SH3BGRL2: variants seen among roughly 807,000 people sequenced by gnomAD.
SH3BGRL2 encodes SH3 domain-binding glutamic acid-rich-like protein 2.
A neutral mutation model predicts 14.8 loss-of-function variants in SH3BGRL2; 21 were observed. That is an observed-to-expected ratio of 1.42 (90% CI 1.01 to 2.05). The LOEUF is 2.05. Among genes scored for constraint, SH3BGRL2 ranks in the 30% most tolerant of loss-of-function variants. The pLI, the probability that SH3BGRL2 is intolerant of heterozygous loss-of-function variation, is 0.00. For missense variants in SH3BGRL2, 147 were observed against 130.8 expected, an observed-to-expected ratio of 1.12 and a Z score of -0.61; for synonymous variants, 50 against 47.8, an observed-to-expected ratio of 1.05 and a Z score of -0.19.
chr6:79,661,883 TA>T (rs1195553291), intron 1 of SH3BGRL2, among the ~76,000 whole-genome samples: 3 of 152,232 alleles, frequency 2.0e-5, no homozygotes, highest in African/African-American at 7.2e-5. Context: ...TGCCATTATA[TA>T]ATGGCCTTCT....
At chr6:79,617,199 G>GA in the SH3BGRL2 span, among the ~76,000 whole-genome samples, 226 of 149,192 alleles carry the variant, frequency 1.5e-3, no homozygotes, top group African/African-American at 5.3e-3. Context: ...ACAAAAAAAA[G>GA]AAAAAAAAAA....
chr6:79,560,866 T>C, the SH3BGRL2 span, among the ~76,000 whole-genome samples: 2 of 101,534 alleles, frequency 2.0e-5, no homozygotes, highest in Non-Finnish European at 3.9e-5. Context: ...AACAATACAC[T>C]CTTTTTTTTT....
the SH3BGRL2 span, among the ~76,000 whole-genome samples, chr6:79,596,379 T>C: frequency 4.0e-5 from 6 of 150,750 alleles, no homozygotes; most frequent in East Asian, 3.9e-4. Flanking sequence ...AGACTGGTCT[T>C]GAACTCCTGG....
Position 79,631,446 on chromosome 6 carries a change from C to G in SH3BGRL2, c.-16C>G. On this transcript the variant is annotated 5_prime_UTR_variant, in exon 1 of 4. Coordinates refer to ENST00000369838, the MANE Select transcript of SH3BGRL2 (RefSeq NM_031469.4). ...AGCCCGGGGGGCAAGGGGTCTGTCC[C>G]GGGCGCAGCGAGAGGATGGTCATCC... 1 of 1,517,662 alleles carries G rather than the reference C, an allele frequency of 6.6e-7. No individual in the cohort carries two copies. The highest frequency in any genetic ancestry group is 1.3e-5 in the South Asian group (1 of 78,632). The allele number at this position is 1,517,662 out of a possible 1,614,324, so 94.0% of individuals were successfully genotyped here.
At chr6:79,586,042 C>T in the SH3BGRL2 span, among the ~76,000 whole-genome samples, 1 of 151,776 alleles carries the variant, frequency 6.6e-6, no homozygotes, top group African/African-American at 2.4e-5. Flanking sequence ...CTAAAATATA[C>T]AAAATTAGCC....
At chr6:79,594,006 C>A in the SH3BGRL2 span, among the ~76,000 whole-genome samples, 27 of 134,774 alleles carry the variant, frequency 2.0e-4, no homozygotes, top group African/African-American at 6.8e-4. Flanking sequence ...GCCTGGATGA[C>A]AAGAGCCAGA....
At chr6:79,698,224 A>G (rs1426269695) in intron 3 of SH3BGRL2, among the ~76,000 whole-genome samples, 1 of 152,190 alleles carries the variant, frequency 6.6e-6, no homozygotes, top group African/African-American at 2.4e-5. Context: ...GCCACTCTCC[A>G]TGAACCATTT....
the SH3BGRL2 span, among the ~76,000 whole-genome samples, chr6:79,626,042 C>T: frequency 4.5e-4 from 69 of 152,230 alleles, no homozygotes; most frequent in African/African-American, 1.5e-3. Flanking sequence ...AAGTTAAATC[C>T]TTGGGGAGTC....
the SH3BGRL2 span, among the ~76,000 whole-genome samples, chr6:79,548,532 C>T: frequency 2.0e-5 from 3 of 152,064 alleles, no homozygotes; most frequent in Non-Finnish European, 2.9e-5. Context: ...TTCTAGTGTT[C>T]GCCAATTTGT....
At chr6:79,583,888 A>G in the SH3BGRL2 span, among the ~76,000 whole-genome samples, 1 of 152,222 alleles carries the variant, frequency 6.6e-6, no homozygotes, top group Non-Finnish European at 1.5e-5. Flanking sequence ...TGCAAGTGAC[A>G]TTCTGCAAAT....
At chr6:79,646,605 T>TTG (rs1293201768) in intron 1 of SH3BGRL2, among the ~76,000 whole-genome samples, 2 of 152,210 alleles carry the variant, frequency 1.3e-5, no homozygotes, top group African/African-American at 2.4e-5. Flanking sequence ...CAATGTGTTT[T>TTG]TGTGTGTGTG....
chr6:79,582,861 G>A, the SH3BGRL2 span, among the ~76,000 whole-genome samples: 1 of 152,046 alleles, frequency 6.6e-6, no homozygotes, highest in Non-Finnish European at 1.5e-5. Flanking sequence ...CTACAGAATG[G>A]GAGAAAATTT....
chr6:79,688,925 G>C (rs554244645), intron 2 of SH3BGRL2, among the ~76,000 whole-genome samples: 2 of 151,408 alleles, frequency 1.3e-5, no homozygotes, highest in Middle Eastern at 6.8e-3. Flanking sequence ...GATTCATCAG[G>C]CCACTCAAAA....
the SH3BGRL2 span, among the ~76,000 whole-genome samples, chr6:79,608,334 G>T: frequency 6.6e-6 from 1 of 152,064 alleles, no homozygotes; most frequent in Non-Finnish European, 1.5e-5. Context: ...CTTCCTAGAG[G>T]GACAGTCCCC....
the SH3BGRL2 span, among the ~76,000 whole-genome samples, chr6:79,564,008 T>G: frequency 6.6e-6 from 1 of 152,124 alleles, no homozygotes; most frequent in African/African-American, 2.4e-5. Context: ...ATAAAAAAAC[T>G]GTTAGCAAAG....
At chr6:79,606,771 T>A in the SH3BGRL2 span, among the ~76,000 whole-genome samples, 1 of 152,228 alleles carries the variant, frequency 6.6e-6, no homozygotes, top group Admixed American at 6.5e-5. Flanking sequence ...GTCCTGCTAA[T>A]AATATACATT....
intron 1 of SH3BGRL2, among the ~76,000 whole-genome samples, chr6:79,660,551 T>C (rs762088142): frequency 6.6e-6 from 1 of 152,202 alleles, no homozygotes; most frequent in Non-Finnish European, 1.5e-5. Context: ...CAGTATTTTA[T>C]TGAGGATTTT....
chr6:79,555,277 C>A, the SH3BGRL2 span, among the ~76,000 whole-genome samples: 1 of 152,022 alleles, frequency 6.6e-6, no homozygotes, highest in Admixed American at 6.6e-5. Context: ...TAGCAAAACT[C>A]CGTCTCTACT....
intron 1 of SH3BGRL2, among the ~76,000 whole-genome samples, chr6:79,668,492 A>C (rs1454871862): frequency 2.6e-5 from 4 of 151,994 alleles, no homozygotes; most frequent in Admixed American, 6.6e-5. Context: ...TCCTCAGGAG[A>C]TTCACAGATC....
Sources: allele counts gnomAD v4.1 joint callset (sites outside exome capture counted in the v4.1 genomes callset), GRCh38; gene constraint gnomAD v4.1.1; transcripts MANE v1.5; gene names NCBI Gene and HGNC (gene_info 2026-07-23, HGNC 2026-07-21).